Variants in UBXN2B observed in about 807,000 individuals in gnomAD.
UBXN2B encodes UBX domain-containing protein 2B.
A neutral mutation model predicts 37.5 loss-of-function variants in UBXN2B; 19 were observed. The ratio of observed to expected loss-of-function variants is 0.51; its 90% CI spans 0.35 to 0.74. The LOEUF is 0.74. UBXN2B is among the 30% of genes least tolerant of loss of function. The pLI, the probability that UBXN2B is intolerant of heterozygous loss-of-function variation, is 0.01. For missense variants in UBXN2B, 370 were observed against 393.2 expected (o/e 0.94, Z 0.50); for synonymous variants, 145 against 143.8 (o/e 1.01, Z -0.06).
At position 58,434,439 on chromosome 8, in the gene UBXN2B, T is replaced by G. The variant is rs1351779324; in HGVS notation, c.468T>G (p.Asp156Glu). Residue 156 changes from aspartate to glutamate, a missense_variant, in exon 5 of 8, where the codon GAT (aspartate) becomes GAG (glutamate). By Grantham distance (45) the Asp-to-Glu change is conservative. Coordinates refer to ENST00000399598, the MANE Select transcript of UBXN2B (RefSeq NM_001077619.2). ...LKLWSNGFSL[D>E]DGELRPYNEP... ...TGTGGAGCAATGGTTTCAGTTTAGA[T>G]GATGGAGAATTGAGACCTTACAATG... 1 of 1,547,396 alleles carries G rather than the reference T, an allele frequency of 6.5e-7. No homozygotes were observed. The highest frequency in any genetic ancestry group is 8.7e-7 in the Non-Finnish European group (1 of 1,147,522).
intron 2 of UBXN2B, among the ~76,000 whole-genome samples, chr8:58,419,223 G>A (rs1384888355): frequency 6.6e-6 from 1 of 152,052 alleles, no homozygotes; most frequent in Non-Finnish European, 1.5e-5. Context: ...TTTTTTCTAC[G>A]TATGATATCT....
intron 3 of UBXN2B, among the ~76,000 whole-genome samples, chr8:58,431,278 G>T (rs1409199037): frequency 6.6e-6 from 1 of 152,176 alleles, no homozygotes; most frequent in African/African-American, 2.4e-5. Context: ...TTCAAGACCA[G>T]CCTGGCCAAC....
In UBXN2B at chr8:58,451,174, A is replaced by G. The variant is rs1395083100; in HGVS notation, c.*3623A>G. 3.3e-5 allele frequency: 5 copies of G among 152,578 alleles called. No homozygotes were observed. Among genetic ancestry groups the G allele is most frequent in the African/African-American group, 1.2e-4 (5 of 41,446 alleles). 9.5% of individuals were successfully genotyped at this position (152,578 alleles called of 1,614,324 possible). On this transcript the variant is annotated 3_prime_UTR_variant, in exon 8 of 8. Coordinates refer to ENST00000399598, the MANE Select transcript of UBXN2B (RefSeq NM_001077619.2). The stretch of plus-strand genomic sequence containing the variant: ...TATTTGAAATTTTCTTGTTTTTATC[A>G]GTTGAGTGCCTATAGATGCACATAC...
intron 5 of UBXN2B, chr8:58,435,098 A>G: frequency 7.0e-7 from 1 of 1,422,748 alleles, no homozygotes. Context: ...CTGTGTTATG[A>G]TTAAACTAGC....
At chr8:58,417,004 A>T (rs1463611266) in intron 2 of UBXN2B, 51 bp downstream of exon 2, 3 of 1,430,654 alleles carry the variant, frequency 2.1e-6, no homozygotes, top group East Asian at 5.0e-5. Flanking sequence ...CCTTTCTAAA[A>T]ATTTACTAAC....
intron 2 of UBXN2B, among the ~76,000 whole-genome samples, chr8:58,418,564 C>T (rs1469232747): frequency 2.0e-5 from 3 of 151,942 alleles, no homozygotes; most frequent in African/African-American, 4.8e-5. Flanking sequence ...GAATTTTTGT[C>T]GGGTATGCTA....
Position 58,427,335 on chromosome 8 carries a change from C to T in UBXN2B, c.189-3184C>T, listed in dbSNP as rs183188794. ...AAAAATAGCCAAGCGTGGTGGTGCA[C>T]GCCTGTAGTCCCAACTGCTCGGGAG... On this transcript the variant is annotated intron_variant, in intron 2 of 7. Coordinates refer to ENST00000399598, the MANE Select transcript of UBXN2B (RefSeq NM_001077619.2). 5.3e-4 allele frequency among the ~76,000 whole-genome samples: 80 copies of T among 152,218 alleles called. No individual in the cohort carries two copies. The East Asian group carries it at 0.011, about 22-fold the overall frequency.
At chr8:58,438,562 G>C (rs527683628) in intron 5 of UBXN2B, among the ~76,000 whole-genome samples, 43 of 152,324 alleles carry the variant, frequency 2.8e-4, no homozygotes, top group African/African-American at 1.0e-3. Context: ...TGTGGGGCCT[G>C]TTGCCTCTTT....
chr8:58,425,010 T>G (rs1808043050), intron 2 of UBXN2B: 1 of 782,890 alleles, frequency 1.3e-6, no homozygotes, highest in South Asian at 1.3e-5. Flanking sequence ...GCACCACGAC[T>G]GGCCTTGCAT....
chr8:58,443,705 G>A (rs944891443), intron 6 of UBXN2B, among the ~76,000 whole-genome samples: 3 of 151,896 alleles, frequency 2.0e-5, no homozygotes, highest in African/African-American at 7.3e-5. Context: ...CTACTTGGGA[G>A]GCTGAGGCAG....
At chr8:58,426,185 T>C (rs1183073875) in intron 2 of UBXN2B, 42 of 669,490 alleles carry the variant, frequency 6.3e-5, no homozygotes, top group Middle Eastern at 4.5e-4. Context: ...ATCACAGTAA[T>C]CACCAGTGTT....
At chr8:58,436,606 G>T (rs962955638) in intron 5 of UBXN2B, among the ~76,000 whole-genome samples, 1 of 152,198 alleles carries the variant, frequency 6.6e-6, no homozygotes, top group African/African-American at 2.4e-5. Flanking sequence ...GTGGGCCTGT[G>T]GGAGGTGTTT....
At chr8:58,414,616 T>A (rs1158967707) in intron 1 of UBXN2B, among the ~76,000 whole-genome samples, 1 of 152,168 alleles carries the variant, frequency 6.6e-6, no homozygotes, top group Non-Finnish European at 1.5e-5. Context: ...TAAATTATCA[T>A]TTCCTCTTTT....
At position 58,450,064 on chromosome 8, in the gene UBXN2B, A is replaced by C. The variant is rs923973313; in HGVS notation, c.*2513A>C. 1.3e-5 allele frequency: 2 copies of C among 152,176 alleles called. No individual in the cohort carries two copies. Among genetic ancestry groups the C allele is most frequent in the African/African-American group, 4.8e-5 (2 of 41,448 alleles). 9.4% of individuals were successfully genotyped at this position (152,176 alleles called of 1,614,324 possible). On this transcript the variant is annotated 3_prime_UTR_variant, in exon 8 of 8. Coordinates refer to ENST00000399598, the MANE Select transcript of UBXN2B (RefSeq NM_001077619.2). Reference sequence around the variant, plus strand: ...CAAAGAGTCTTGTGTGTGACCTGATATTCAGACCTTTTGATGTTTCTGAAG... The same window carrying C: ...CAAAGAGTCTTGTGTGTGACCTGATCTTCAGACCTTTTGATGTTTCTGAAG...
At chr8:58,442,514 G>A (rs1253652507) in intron 6 of UBXN2B, among the ~76,000 whole-genome samples, 1 of 152,188 alleles carries the variant, frequency 6.6e-6, no homozygotes, top group Non-Finnish European at 1.5e-5. Flanking sequence ...ATAGATGGCA[G>A]TCTAATTACA....
rs1808708047 is a variant in UBXN2B, at chr8:58,447,460, C to T, written c.905C>T (p.Thr302Ile). ...GCGGCTCTTGACTTTATTCTTGTGA[C>T]TTCATTTCCGAATAAAGAGCTAACA... is the stretch of plus-strand genomic sequence containing the variant. ...EFAALDFILVTSFPNKELTDE... is the reference protein window; with the variant it reads ...EFAALDFILVISFPNKELTDE... Residue 302 changes from threonine (T) to isoleucine (I), a missense_variant, in exon 8 of 8, where the codon ACT becomes ATT. By Grantham distance (89) the Thr-to-Ile change is moderately conservative (BLOSUM62 -1). Around this residue, in one of 3 missense-constraint regions of UBXN2B, gnomAD observed 83 missense variants for 83.5 expected, o/e 0.99. Transcript: ENST00000399598. 2 of 1,613,244 alleles carry T rather than the reference C, an allele frequency of 1.2e-6. No homozygotes were observed. The highest frequency in any genetic ancestry group is 1.7e-5 in the Admixed American group (1 of 59,998).
intron 2 of UBXN2B, chr8:58,425,151 C>T: frequency 1.2e-6 from 1 of 857,976 alleles, no homozygotes; most frequent in Non-Finnish European, 2.0e-6. Flanking sequence ...TATTCCCTTG[C>T]CCAACCTTTG....
intron 1 of UBXN2B, among the ~76,000 whole-genome samples, chr8:58,412,760 C>CTGTGTCTTCA (rs1367903431): frequency 6.6e-6 from 1 of 152,198 alleles, no homozygotes; most frequent in Non-Finnish European, 1.5e-5. Flanking sequence ...CTGTCTGATC[C>CTGTGTCTTCA]TGTGTCTTCA....
intron 5 of UBXN2B, among the ~76,000 whole-genome samples, chr8:58,437,559 A>G (rs1196565616): frequency 2.0e-5 from 3 of 151,708 alleles, no homozygotes; most frequent in Non-Finnish European, 2.9e-5. Flanking sequence ...CCCTGACCTT[A>G]TGATCCACCT....
Sources: gnomAD v4.1 joint callset for allele counts (sites outside exome capture counted in the v4.1 genomes callset) on GRCh38, gnomAD v4.1.1 for gene constraint, gnomAD v4.1.1 regional missense constraint, MANE v1.5 for transcripts, NCBI Gene and HGNC (gene_info 2026-07-23, HGNC 2026-07-21) for gene names.